CCDC158: variants seen among roughly 807,000 people sequenced by gnomAD.
CCDC158 encodes coiled-coil domain-containing protein 158.
CCDC158 carries 116 observed loss-of-function variants against 138.6 expected under a neutral mutation model. The observed-to-expected ratio is 0.84, with a 90% confidence interval of 0.72 to 0.98. The LOEUF (loss-of-function observed/expected upper bound fraction) is 0.98. Among genes scored for constraint, CCDC158 ranks in the 50% least tolerant of loss-of-function variants. The pLI is 0.00. For missense variants in CCDC158, 1,265 were observed against 1,306.1 expected (o/e 0.97, Z 0.48); for synonymous variants, 436 against 442.4 (o/e 0.99, Z 0.18).
At chr4:76,344,801 T>C in intron 18 of CCDC158, 2 of 1,605,824 alleles carry the variant, frequency 1.2e-6, no homozygotes, top group Non-Finnish European at 8.5e-7. Flanking sequence ...ACTTCAATGG[T>C]CCTCGAGAGA....
chr4:76,403,145 A>G lies in CCDC158; in HGVS notation c.63T>C (p.Ser21=). ...EDLLSSSGVT[S]NGGSSSSFFV... is the part of the protein sequence containing the mutation. ...TTTATAAACAGCACATACCTCCATT[A>G]GATGTGACACCACTACTTGATAAAA... The change falls in exon 3 of 25, where the codon TCT becomes TCC. Residue 21 remains serine, a synonymous_variant. Coordinates refer to ENST00000682701, the MANE Select transcript of CCDC158 (RefSeq NM_001394954.1). The G allele has an allele frequency of 1.2e-6, 2 of 1,604,128 alleles. No homozygotes were observed. Among genetic ancestry groups the G allele is most frequent in the South Asian group, 2.2e-5 (2 of 89,580 alleles).
At chr4:76,369,247 GAAATA>G (rs1258468585) in intron 11 of CCDC158, among the ~76,000 whole-genome samples, 174 bp downstream of exon 11, 1 of 151,718 alleles carries the variant, frequency 6.6e-6, no homozygotes, top group Non-Finnish European at 1.5e-5. Context: ...AACAAAAAAT[GAAATA>G]AAATGAAAAA....
At chr4:76,348,302 G>C (rs1197291281) in intron 18 of CCDC158, among the ~76,000 whole-genome samples, 1 of 151,480 alleles carries the variant, frequency 6.6e-6, no homozygotes, top group African/African-American at 2.4e-5. Flanking sequence ...AGGCGAGGTG[G>C]TGGGCACCTG....
chr4:76,403,007 TA>T, intron 3 of CCDC158, 130 bp downstream of exon 3: 1 of 647,350 alleles, frequency 1.5e-6, no homozygotes, highest in East Asian at 3.1e-5. Context: ...TTATAAACAA[TA>T]TGGTAGACAT....
At chr4:76,343,117 G>C (rs188628492) in intron 18 of CCDC158, among the ~76,000 whole-genome samples, 101 of 152,282 alleles carry the variant, frequency 6.6e-4, no homozygotes, top group Non-Finnish European at 6.8e-4. Flanking sequence ...TGTTAAATAT[G>C]AGTATTAAGT....
At chr4:76,386,507 C>G (rs1726803340) in intron 4 of CCDC158, among the ~76,000 whole-genome samples, 1 of 152,256 alleles carries the variant, frequency 6.6e-6, no homozygotes, top group Admixed American at 6.5e-5. Context: ...TTTTGAGTTC[C>G]TATGCTCAGG....
intron 13 of CCDC158, among the ~76,000 whole-genome samples, chr4:76,360,651 C>T (rs1048659056): frequency 6.6e-6 from 1 of 152,180 alleles, no homozygotes; most frequent in African/African-American, 2.4e-5. Context: ...TTGCATGGGC[C>T]CTGTAGCCTC....
intron 24 of CCDC158, 79 bp from the exon 25 acceptor site, chr4:76,313,325 G>T: frequency 1.2e-6 from 1 of 803,814 alleles, no homozygotes; most frequent in Non-Finnish European, 2.0e-6. Flanking sequence ...TAAAAGATCA[G>T]CTTGATAGTA....
rs559811957 is a variant in CCDC158, at chr4:76,393,334, A to T, written c.288+2935T>A. ...AGAACCCAGAAATGAATCCACTCAC[A>T]TACAGTGAATTCATTTTCAACAAAG... On this transcript the variant is annotated intron_variant, in intron 4 of 24. Transcript: ENST00000682701. Among the ~76,000 whole-genome samples the T allele has an allele frequency of 7.9e-5, 12 of 152,022 alleles. No individual in the cohort carries two copies. The South Asian group carries it at 2.3e-3, about 29-fold the overall frequency.
chr4:76,338,648 G>A (rs1256985246), intron 18 of CCDC158, among the ~76,000 whole-genome samples: 1 of 152,214 alleles, frequency 6.6e-6, no homozygotes, highest in Non-Finnish European at 1.5e-5. Flanking sequence ...TCTGGTGGCT[G>A]GTTTTATAGT....
intron 3 of CCDC158, among the ~76,000 whole-genome samples, chr4:76,399,657 C>CA (rs1195323259): frequency 6.6e-6 from 1 of 151,942 alleles, no homozygotes; most frequent in Admixed American, 6.6e-5. Context: ...TTTCAGAAGG[C>CA]ACAGCTATGA....
intron 3 of CCDC158, among the ~76,000 whole-genome samples, chr4:76,397,180 T>C (rs1287679082): frequency 2.6e-5 from 4 of 152,062 alleles, no homozygotes; most frequent in African/African-American, 9.7e-5. Flanking sequence ...TGTATGTGTT[T>C]ATGTGTGTTT....
chr4:76,383,596 G>T, intron 7 of CCDC158, 66 bp downstream of exon 7: 1 of 1,158,842 alleles, frequency 8.6e-7, no homozygotes, highest in Non-Finnish European at 1.3e-6. Flanking sequence ...TGGAATTGTG[G>T]CCGAAACACT....
chr4:76,414,043 G>A (rs1729500812), intron 1 of CCDC158, among the ~76,000 whole-genome samples: 1 of 151,992 alleles, frequency 6.6e-6, no homozygotes, highest in African/African-American at 2.4e-5. Flanking sequence ...CAAGTAGCTG[G>A]GACTACAGCT....
chr4:76,374,952 A>G (rs1409143430), intron 9 of CCDC158, among the ~76,000 whole-genome samples: 2 of 152,138 alleles, frequency 1.3e-5, no homozygotes, highest in African/African-American at 4.8e-5. Flanking sequence ...CCCCTGCAGG[A>G]ACATTTGTTT....
intron 12 of CCDC158, among the ~76,000 whole-genome samples, chr4:76,366,630 CACACACAA>C (rs1312540496): frequency 4.6e-4 from 69 of 150,588 alleles, no homozygotes; most frequent in Admixed American, 1.1e-3. Context: ...TACATAAACA[CACACACAA>C]ACACACACAC....
At chr4:76,382,521 G>T in intron 8 of CCDC158, 89 bp downstream of exon 8, 1 of 781,948 alleles carries the variant, frequency 1.3e-6, no homozygotes, top group Non-Finnish European at 2.1e-6. Flanking sequence ...ATCTTACTAA[G>T]CAAGTTCTAA....
chr4:76,338,836 G>A (rs539945298), intron 18 of CCDC158, among the ~76,000 whole-genome samples: 1 of 152,236 alleles, frequency 6.6e-6, no homozygotes, highest in South Asian at 2.1e-4. Context: ...GCCCACAAGA[G>A]AACCCTAGCC....
intron 9 of CCDC158, among the ~76,000 whole-genome samples, chr4:76,373,004 A>C (rs1258216258): frequency 2.0e-5 from 3 of 152,122 alleles, no homozygotes; most frequent in African/African-American, 7.2e-5. Context: ...GCCCGCCACC[A>C]TGGCCAGCTA....
Sources: allele counts gnomAD v4.1 joint callset (sites outside exome capture counted in the v4.1 genomes callset), GRCh38; gene constraint gnomAD v4.1.1; transcripts MANE v1.5; gene names NCBI Gene and HGNC (gene_info 2026-07-23, HGNC 2026-07-21).